Variants in SVOPL observed in about 807,000 individuals in gnomAD.
The protein encoded by SVOPL is putative transporter SVOPL.
A neutral mutation model predicts 61.0 loss-of-function variants in SVOPL; 60 were observed. That is an observed-to-expected ratio of 0.98 (90% confidence interval 0.80 to 1.22). The LOEUF (loss-of-function observed/expected upper bound fraction) is 1.22. Ranked by LOEUF, SVOPL falls within the 50% of genes most tolerant of loss-of-function variation. The pLI, the probability that SVOPL is intolerant of heterozygous loss-of-function variation, is 0.00. For missense variants in SVOPL, 662 were observed against 643.9 expected, an observed-to-expected ratio of 1.03 and a Z score of -0.30; for synonymous variants, 279 against 250.0, an observed-to-expected ratio of 1.12 and a Z score of -1.09.
intron 14 of SVOPL, among the ~76,000 whole-genome samples, chr7:138,618,652 C>CAG (rs376141906): frequency 2.7e-5 from 4 of 149,186 alleles, no homozygotes; most frequent in Non-Finnish European, 4.5e-5. Flanking sequence ...CAGAGCGAGA[C>CAG]AGAGAGAGAG....
intron 1 of SVOPL, among the ~76,000 whole-genome samples, chr7:138,691,390 C>T (rs185986717): frequency 1.3e-5 from 2 of 152,232 alleles, no homozygotes; most frequent in South Asian, 2.1e-4. Context: ...CCCATCTAAA[C>T]GTATTTTACA....
intron 14 of SVOPL, among the ~76,000 whole-genome samples, chr7:138,613,641 C>G (rs931874469): frequency 7.2e-5 from 11 of 152,106 alleles, no homozygotes; most frequent in African/African-American, 2.7e-4. Context: ...CCTAAAAAAG[C>G]CTGTCACCCC....
chr7:138,651,879 C>T (rs796580508), intron 7 of SVOPL, among the ~76,000 whole-genome samples: 3 of 152,218 alleles, frequency 2.0e-5, no homozygotes, highest in African/African-American at 7.2e-5. Flanking sequence ...TCTAAGTGTT[C>T]AACTGAAAGG....
At chr7:138,623,735 A>T (rs1467231479) in intron 13 of SVOPL, among the ~76,000 whole-genome samples, 1 of 152,230 alleles carries the variant, frequency 6.6e-6, no homozygotes, top group Non-Finnish European at 1.5e-5. Flanking sequence ...TTTTTGGTTT[A>T]TAAATTTACA....
At chr7:138,600,224 C>T (rs922902375) in intron 14 of SVOPL, among the ~76,000 whole-genome samples, 2 of 152,158 alleles carry the variant, frequency 1.3e-5, no homozygotes, top group African/African-American at 2.4e-5. Context: ...GAAAGCTGCT[C>T]AAATTGATTA....
chr7:138,657,380 A>G (rs1407368178), intron 6 of SVOPL, among the ~76,000 whole-genome samples: 2 of 152,022 alleles, frequency 1.3e-5, no homozygotes, highest in Admixed American at 6.6e-5. Context: ...GGCCTCAAGC[A>G]ACTGTTGCAC....
chr7:138,665,628 A>T (rs1802231973), intron 4 of SVOPL, among the ~76,000 whole-genome samples: 1 of 152,204 alleles, frequency 6.6e-6, no homozygotes. Context: ...CATGTACTAT[A>T]AAAAACGGTA....
rs111769712 is a variant in SVOPL, at chr7:138,649,135, C to T, written c.537G>A (p.Val179=). 3.4e-5 allele frequency: 55 copies of T among 1,611,696 alleles called. No individual in the cohort carries two copies. The African/African-American group carries it at 5.6e-4, about 16-fold the overall frequency. Residue 179 remains valine (V), a splice_region_variant and synonymous_variant, in exon 8 of 16, where the codon GTG becomes GTA. Coordinates refer to ENST00000674285, the MANE Select transcript of SVOPL (RefSeq NM_001139456.2). ...TGAGCAGGGAGCCCGCAAGCCAGAA[C>T]ACCTAGGAAGAGAGAAGTCCAGGAT... ...YRGYMLPLSQ[V]FWLAGSLLII... is the part of the protein sequence containing the mutation.
chr7:138,663,279 G>A lies in SVOPL; in HGVS notation c.274-134C>T, dbSNP rs575630680. On this transcript the variant is annotated intron_variant, in intron 4 of 15. Coordinates refer to ENST00000674285, the MANE Select transcript of SVOPL (RefSeq NM_001139456.2). ...GTTAATTTAAAGAACAGGGTTTCAC[G>A]TTGGTCTTGCTTGCCCCTGAGGCCC... is the stretch of plus-strand genomic sequence containing the variant. 26 of 1,493,658 alleles carry A rather than the reference G, an allele frequency of 1.7e-5. No individual in the cohort carries two copies. The East Asian group carries it at 3.8e-4, about 22-fold the overall frequency. 92.5% of individuals were successfully genotyped at this position (1,493,658 alleles called of 1,614,324 possible). A position where few individuals can be genotyped will look rare whatever the true frequency, so the allele number is the denominator to read the frequency against.
chr7:138,684,478 C>A (rs1297915532), intron 1 of SVOPL, among the ~76,000 whole-genome samples: 2 of 152,152 alleles, frequency 1.3e-5, no homozygotes, highest in African/African-American at 4.8e-5. Flanking sequence ...ATACAAATTG[C>A]CGATAGGCAG....
At chr7:138,643,149 A>G (rs986246609) in intron 9 of SVOPL, among the ~76,000 whole-genome samples, 1 of 151,900 alleles carries the variant, frequency 6.6e-6, no homozygotes, top group African/African-American at 2.4e-5. Context: ...GGCCTTGGCC[A>G]GGTGCGGTGG....
At position 138,604,669 on chromosome 7, in the gene SVOPL, C is replaced by A. The variant is rs1332698075; in HGVS notation, c.1354-8139G>T. 4.4e-3 allele frequency among the ~76,000 whole-genome samples: 228 copies of A among 51,566 alleles called. 1 individual carries two copies. The highest frequency in any genetic ancestry group is 0.017 in the African/African-American group (206 of 12,422). 33.8% of individuals were successfully genotyped at this position (51,566 alleles called of 152,430 possible). On this transcript the variant is annotated intron_variant, in intron 14 of 15. Transcript: ENST00000674285. The stretch of plus-strand genomic sequence containing the variant: ...CTCCAACCTGGGCAACAGAGCAAAA[C>A]TTTATCTCAAAAAAAAAAAAAAAAA...
At chr7:138,631,656 C>T (rs1041967329) in intron 9 of SVOPL, among the ~76,000 whole-genome samples, 2 of 152,116 alleles carry the variant, frequency 1.3e-5, no homozygotes, top group Non-Finnish European at 2.9e-5. Context: ...GCAACCCCTG[C>T]CTCCCAGGTT....
chr7:138,688,867 C>T, intron 1 of SVOPL: 1 of 387,334 alleles, frequency 2.6e-6, no homozygotes, highest in East Asian at 6.3e-5. Context: ...AAGACCTAAC[C>T]TCTAGTACCT....
intron 9 of SVOPL, among the ~76,000 whole-genome samples, chr7:138,643,261 C>T (rs1800923382): frequency 6.6e-6 from 1 of 151,860 alleles, no homozygotes; most frequent in African/African-American, 2.4e-5. Flanking sequence ...CCCGTCTCTA[C>T]TAAAAATACA....
At chr7:138,660,924 A>G (rs899267028) in intron 5 of SVOPL, 3 of 984,524 alleles carry the variant, frequency 3.0e-6, no homozygotes, top group African/African-American at 1.7e-5. Flanking sequence ...ATTTCCTTAC[A>G]TATTTGATAA....
intron 11 of SVOPL, among the ~76,000 whole-genome samples, chr7:138,627,699 C>G (rs191558677): frequency 1.3e-5 from 2 of 152,288 alleles, no homozygotes; most frequent in East Asian, 3.9e-4. Context: ...TTATATCATA[C>G]AGGTCTATTG....
At chr7:138,686,802 C>T (rs1412570337) in intron 1 of SVOPL, among the ~76,000 whole-genome samples, 1 of 152,082 alleles carries the variant, frequency 6.6e-6, no homozygotes, top group Non-Finnish European at 1.5e-5. Flanking sequence ...CACCCCAGGT[C>T]ATCTGCCTGC....
intron 9 of SVOPL, among the ~76,000 whole-genome samples, chr7:138,640,997 G>A (rs1056458826): frequency 6.6e-6 from 1 of 152,054 alleles, no homozygotes; most frequent in Non-Finnish European, 1.5e-5. Flanking sequence ...GACCCCAGGA[G>A]TTCAAGACTG....
Sources: allele counts gnomAD v4.1 joint callset (sites outside exome capture counted in the v4.1 genomes callset), GRCh38; gene constraint gnomAD v4.1.1; transcripts MANE v1.5; gene names NCBI Gene and HGNC (gene_info 2026-07-23, HGNC 2026-07-21).